Variants in CENPP observed in about 807,000 individuals in gnomAD.
CENPP encodes centromere protein P.
Under a neutral mutation model 35.6 loss-of-function variants are expected in CENPP, and 24 were observed. That is an observed-to-expected ratio of 0.67 (90% CI 0.49 to 0.95). The LOEUF (loss-of-function observed/expected upper bound fraction) is 0.95. Ranked by LOEUF, CENPP falls within the 40% of genes least tolerant of loss-of-function variation. CENPP has a pLI of 0.00. For missense variants in CENPP, 332 were observed against 345.3 expected (o/e 0.96, Z 0.31); for synonymous variants, 120 against 125.5 (o/e 0.96, Z 0.29).
chr9:92,460,537 A>T, intron 5 of CENPP: 1 of 1,599,426 alleles, frequency 6.3e-7, no homozygotes, highest in Non-Finnish European at 8.6e-7. Context: ...ATTATAATCT[A>T]AGTGAAGCTC....
rs571261250 is a variant in CENPP, at chr9:92,573,703, G to C, written c.565-37611G>C. Among the ~76,000 whole-genome samples, 143 of 152,180 alleles carry C rather than the reference G, an allele frequency of 9.4e-4. 1 individual carries two copies. Among genetic ancestry groups the C allele is most frequent in the African/African-American group, 3.2e-3 (134 of 41,524 alleles). Reference sequence around the variant, plus strand: ...GCTATGCCCTGCCCCGAGAGGTGGAGTCTACAGAGGCAGGCAGGCCTACTG... The same window carrying C: ...GCTATGCCCTGCCCCGAGAGGTGGACTCTACAGAGGCAGGCAGGCCTACTG... On this transcript the variant is annotated intron_variant, in intron 5 of 7. Coordinates refer to ENST00000375587, the MANE Select transcript of CENPP (RefSeq NM_001012267.3).
At position 92,511,211 on chromosome 9, in the gene CENPP, C is replaced by T. The variant is rs546013278; in HGVS notation, c.565-100103C>T. On this transcript the variant is annotated intron_variant, in intron 5 of 7. Transcript: ENST00000375587. Reference sequence around the variant, plus strand: ...CGCGATCTCGGCTCACTGCAACCTCCGCCTCCCGAATTCAAGCGATTCTCC... The same window carrying T: ...CGCGATCTCGGCTCACTGCAACCTCTGCCTCCCGAATTCAAGCGATTCTCC... Among the ~76,000 whole-genome samples the T allele has an allele frequency of 2.0e-3, 310 of 152,148 alleles. 2 individuals are homozygous for T. Among genetic ancestry groups the T allele is most frequent in the African/African-American group, 7.1e-3 (293 of 41,526 alleles).
chr9:92,534,984 T>G (rs1350867136), intron 5 of CENPP, among the ~76,000 whole-genome samples: 1 of 152,170 alleles, frequency 6.6e-6, no homozygotes, highest in Non-Finnish European at 1.5e-5. Context: ...AAGCACTCAC[T>G]TATGGGGCAT....
chr9:92,545,543 C>T (rs35270604), intron 5 of CENPP, among the ~76,000 whole-genome samples: 100,907 of 151,858 alleles, frequency 0.66, 35,211 homozygotes, highest in African/African-American at 0.89. Flanking sequence ...CCCGCCGGGC[C>T]CCTTCAAGGC....
At chr9:92,562,266 G>A (rs540858888) in intron 5 of CENPP, among the ~76,000 whole-genome samples, 7 of 148,130 alleles carry the variant, frequency 4.7e-5, no homozygotes, top group Non-Finnish European at 5.9e-5. Context: ...GTGCAATGGC[G>A]TGATCTTGGC....
Position 92,416,652 on chromosome 9 carries a change from C to T in CENPP, c.564+36793C>T, listed in dbSNP as rs766167574. ...TCATTATTTTGTAGGTATAGGTGTT[C>T]CAAATTTCTTGGAATATAGAATGCT... On this transcript the variant is annotated intron_variant, in intron 5 of 7. Transcript: ENST00000375587. 1.2e-5 allele frequency: 19 copies of T among 1,600,056 alleles called. No individual in the cohort carries two copies. The East Asian group carries it at 4.0e-4, about 34-fold the overall frequency.
At chr9:92,353,826 AT>A (rs1841525187) in intron 4 of CENPP, among the ~76,000 whole-genome samples, 1 of 152,138 alleles carries the variant, frequency 6.6e-6, no homozygotes, top group East Asian at 1.9e-4. Flanking sequence ...CCACCCCTTG[AT>A]TCCTGGACCC....
chr9:92,478,042 A>G (rs1845774120), intron 5 of CENPP, among the ~76,000 whole-genome samples: 1 of 152,186 alleles, frequency 6.6e-6, no homozygotes, highest in African/African-American at 2.4e-5. Context: ...ATATATTCAC[A>G]TGAAAAAAAG....
At chr9:92,611,110 G>A in intron 5 of CENPP, 2 of 609,202 alleles carry the variant, frequency 3.3e-6, no homozygotes, top group Non-Finnish European at 5.9e-6. Context: ...AGCAGTCATG[G>A]GAGCCTGGAG....
intron 5 of CENPP, chr9:92,500,902 A>C: frequency 6.2e-7 from 1 of 1,614,198 alleles, no homozygotes; most frequent in East Asian, 2.2e-5. Context: ...GACAGGTACA[A>C]GTATTCCAGG....
intron 5 of CENPP, among the ~76,000 whole-genome samples, chr9:92,416,115 T>C (rs1395148812): frequency 6.8e-6 from 1 of 148,012 alleles, no homozygotes; most frequent in Non-Finnish European, 1.5e-5. Context: ...TTTTTTTTTT[T>C]TTAAGACAGA....
At chr9:92,404,683 C>T in intron 5 of CENPP, 1 of 1,244,428 alleles carries the variant, frequency 8.0e-7, no homozygotes. Context: ...CATTCTTTCT[C>T]TAGGGTGAAA....
intron 5 of CENPP, among the ~76,000 whole-genome samples, chr9:92,483,695 C>G (rs1056730484): frequency 6.6e-6 from 1 of 152,216 alleles, no homozygotes; most frequent in African/African-American, 2.4e-5. Context: ...TTTGTTCCCT[C>G]TCTCCAGAGA....
intron 5 of CENPP, chr9:92,457,159 G>C (rs1438962844): frequency 2.8e-6 from 4 of 1,424,044 alleles, no homozygotes; most frequent in Admixed American, 2.9e-5. Context: ...AAATAAGTCA[G>C]TGGACTTACC....
intron 5 of CENPP, among the ~76,000 whole-genome samples, chr9:92,577,366 T>C (rs1588290777): frequency 6.6e-6 from 1 of 152,058 alleles, no homozygotes; most frequent in East Asian, 1.9e-4. Context: ...ATACAAAATA[T>C]TAGCTGGGCA....
intron 5 of CENPP, among the ~76,000 whole-genome samples, chr9:92,532,829 T>C (rs553702528): frequency 6.6e-6 from 1 of 152,244 alleles, no homozygotes; most frequent in Admixed American, 6.5e-5. Context: ...GTCTCTTATT[T>C]CTTTAGGTTT....
In CENPP at chr9:92,390,587, T is replaced by TGTGTGC. The variant is rs749697394; in HGVS notation, c.564+10729_564+10730insTGTGCG. Among the ~76,000 whole-genome samples, 235 of 141,912 alleles carry TGTGTGC rather than the reference T, an allele frequency of 1.7e-3. 1 individual carries two copies. The highest frequency in any genetic ancestry group is 7.3e-3 in the Middle Eastern group (2 of 274). The allele number at this position is 141,912 out of a possible 152,430, so 93.1% of individuals were successfully genotyped here. ...CAGTGTGTGTGTGTGTGTGTGTGTGTGCGCGCGCGCGTACTTGCGTGTGCA... is the reference window on the plus strand; with the variant it reads ...CAGTGTGTGTGTGTGTGTGTGTGTGTGTGTGCGCGCGCGCGCGTACTTGCGTGTGCA... On this transcript the variant is annotated intron_variant, in intron 5 of 7. Coordinates refer to ENST00000375587, the MANE Select transcript of CENPP (RefSeq NM_001012267.3).
intron 5 of CENPP, 74 bp from the exon 6 acceptor site, chr9:92,611,240 G>GTGCCCCA: frequency 1.6e-6 from 2 of 1,220,534 alleles, no homozygotes; most frequent in Non-Finnish European, 2.4e-6. Context: ...ACCTGGAACG[G>GTGCCCCA]TGCCCCGTGC....
At chr9:92,549,646 C>CA (rs377339429) in intron 5 of CENPP, among the ~76,000 whole-genome samples, 4,096 of 89,598 alleles carry the variant, frequency 0.046, 67 homozygotes, top group South Asian at 0.07. Context: ...GACTCCGTCT[C>CA]AAAAAAAAAA....
Sources: gnomAD v4.1 joint callset for allele counts (sites outside exome capture counted in the v4.1 genomes callset) on GRCh38, gnomAD v4.1.1 for gene constraint, MANE v1.5 for transcripts, NCBI Gene and HGNC (gene_info 2026-07-23, HGNC 2026-07-21) for gene names.